Variants in SGMS1 observed in about 807,000 individuals in gnomAD.
The protein encoded by SGMS1 is phosphatidylcholine:ceramide cholinephosphotransferase 1.
A neutral mutation model predicts 46.2 loss-of-function variants in SGMS1; 13 were observed. The observed-to-expected ratio is 0.28, with a 90% CI of 0.18 to 0.45. The LOEUF (loss-of-function observed/expected upper bound fraction) is 0.45, where lower values mean the gene tolerates loss of function less well. SGMS1 is among the 20% of genes least tolerant of loss of function. The pLI is 1.00. For missense variants in SGMS1, 324 were observed against 519.9 expected, an observed-to-expected ratio of 0.62 and a Z score of 3.66; for synonymous variants, 203 against 187.8, an observed-to-expected ratio of 1.08 and a Z score of -0.66.
At chr10:50,543,355 A>G (rs554792206) in intron 2 of SGMS1, among the ~76,000 whole-genome samples, 2 of 152,386 alleles carry the variant, frequency 1.3e-5, no homozygotes, top group African/African-American at 4.8e-5. Context: ...CTGGCCCTCA[A>G]TCAAGTTATT....
At chr10:50,317,995 G>A (rs911092020) in intron 8 of SGMS1, among the ~76,000 whole-genome samples, 1 of 152,036 alleles carries the variant, frequency 6.6e-6, no homozygotes, top group African/African-American at 2.4e-5. Flanking sequence ...GTAGAGACAG[G>A]GTTTCACTGT....
At chr10:50,581,128 TGCACA>T (rs1232112488) in intron 2 of SGMS1, among the ~76,000 whole-genome samples, 1 of 152,200 alleles carries the variant, frequency 6.6e-6, no homozygotes, top group Non-Finnish European at 1.5e-5. Context: ...CAGTTTTGAA[TGCACA>T]GCAACCTCCA....
At chr10:50,620,374 C>T (rs1308714265) in intron 1 of SGMS1, among the ~76,000 whole-genome samples, 1 of 152,204 alleles carries the variant, frequency 6.6e-6, no homozygotes, top group Non-Finnish European at 1.5e-5. Flanking sequence ...CATAAAAGTT[C>T]CTCCAGAAGA....
At chr10:50,525,877 T>C (rs1022547216) in intron 2 of SGMS1, among the ~76,000 whole-genome samples, 13 of 152,216 alleles carry the variant, frequency 8.5e-5, no homozygotes, top group Admixed American at 2.6e-4. Context: ...AAGGAGTCTA[T>C]AGTTTGTACA....
intron 6 of SGMS1, among the ~76,000 whole-genome samples, chr10:50,348,621 A>G (rs1847954048): frequency 6.6e-6 from 1 of 152,324 alleles, no homozygotes; most frequent in South Asian, 2.1e-4. Flanking sequence ...GATGTGAAGG[A>G]CCTCTTCAAG....
chr10:50,344,020 G>C lies in SGMS1; in HGVS notation c.95C>G (p.Thr32Arg). Residue 32 changes from threonine (T) to arginine (R), a missense_variant, in exon 7 of 11, where the codon ACA (threonine) becomes AGA (arginine). By Grantham distance (71) the Thr-to-Arg change is moderately conservative. Transcript: ENST00000361781. ...PEYCEPLEHFTGQDLINLTQE... is the reference protein window; with the variant it reads ...PEYCEPLEHFRGQDLINLTQE... ...GGTTAGGTTGATCAAGTCCTGGCCT[G>C]TGAAATGCTCCAGAGGCTCACAGTA... 1 of 1,614,174 alleles carries C rather than the reference G, an allele frequency of 6.2e-7. No individual in the cohort carries two copies. Among genetic ancestry groups the C allele is most frequent in the Non-Finnish European group, 8.5e-7 (1 of 1,180,036 alleles).
intron 6 of SGMS1, among the ~76,000 whole-genome samples, chr10:50,356,141 A>C (rs2133398133): frequency 6.6e-6 from 1 of 152,366 alleles, no homozygotes; most frequent in East Asian, 1.9e-4. Flanking sequence ...GGGAAAAGAA[A>C]GAGATCAGAT....
intron 2 of SGMS1, among the ~76,000 whole-genome samples, chr10:50,538,081 G>A (rs1402457387): frequency 6.6e-6 from 1 of 150,552 alleles, no homozygotes; most frequent in Non-Finnish European, 1.5e-5. Flanking sequence ...TCCAGCCTGG[G>A]CAACAGAGTG....
chr10:50,373,097 A>C (rs2133450305), intron 6 of SGMS1, among the ~76,000 whole-genome samples: 1 of 152,332 alleles, frequency 6.6e-6, no homozygotes, highest in East Asian at 1.9e-4. Flanking sequence ...AGTATATTTA[A>C]TCAGATTTCT....
At chr10:50,469,725 T>C (rs1837362075) in intron 3 of SGMS1, among the ~76,000 whole-genome samples, 1 of 152,170 alleles carries the variant, frequency 6.6e-6, no homozygotes, top group African/African-American at 2.4e-5. Context: ...TATTCAATAA[T>C]TCTGGTATAG....
chr10:50,415,925 G>C (rs956191585), intron 6 of SGMS1, among the ~76,000 whole-genome samples: 2 of 152,116 alleles, frequency 1.3e-5, no homozygotes, highest in East Asian at 3.8e-4. Context: ...CTTGTGACAC[G>C]CAAGAGGAAA....
chr10:50,395,903 A>G (rs1462763351), intron 6 of SGMS1, among the ~76,000 whole-genome samples: 1 of 152,230 alleles, frequency 6.6e-6, no homozygotes, highest in African/African-American at 2.4e-5. Context: ...CCTTGACACT[A>G]CATAAAACAT....
At chr10:50,442,187 T>TA (rs1403835952) in intron 5 of SGMS1, among the ~76,000 whole-genome samples, 1 of 151,588 alleles carries the variant, frequency 6.6e-6, no homozygotes, top group East Asian at 1.9e-4. Flanking sequence ...GCTGTAGATT[T>TA]TTTTTTTTTT....
intron 6 of SGMS1, among the ~76,000 whole-genome samples, chr10:50,411,377 C>T (rs917903458): frequency 1.3e-5 from 2 of 152,246 alleles, no homozygotes; most frequent in Admixed American, 1.3e-4. Context: ...GAGACCCTTG[C>T]TTCAAAAGGG....
chr10:50,509,167 T>C (rs1313217549), intron 3 of SGMS1, among the ~76,000 whole-genome samples: 1 of 152,206 alleles, frequency 6.6e-6, no homozygotes, highest in Non-Finnish European at 1.5e-5. Context: ...CCCAAAAGGA[T>C]AGAAGTTATA....
chr10:50,488,203 G>A (rs1837538785), intron 3 of SGMS1, among the ~76,000 whole-genome samples: 1 of 151,702 alleles, frequency 6.6e-6, no homozygotes, highest in Non-Finnish European at 1.5e-5. Context: ...TGGTAGAGAC[G>A]GGTTTTCATC....
At chr10:50,440,081 T>A (rs1849522256) in intron 5 of SGMS1, among the ~76,000 whole-genome samples, 1 of 152,128 alleles carries the variant, frequency 6.6e-6, no homozygotes, top group Non-Finnish European at 1.5e-5. Flanking sequence ...TGGTAGGCTA[T>A]TAGGAATGCA....
intron 6 of SGMS1, among the ~76,000 whole-genome samples, chr10:50,387,018 G>A (rs1848693104): frequency 6.6e-6 from 1 of 152,160 alleles, no homozygotes; most frequent in Non-Finnish European, 1.5e-5. Flanking sequence ...GGTACTCAAG[G>A]TCAAGTGCCC....
intron 2 of SGMS1, among the ~76,000 whole-genome samples, chr10:50,522,936 A>T (rs988993213): frequency 1.3e-5 from 2 of 151,966 alleles, no homozygotes; most frequent in African/African-American, 4.8e-5. Context: ...TGCCATACAA[A>T]TCTCAGCCAC....
Sources: allele counts gnomAD v4.1 joint callset (sites outside exome capture counted in the v4.1 genomes callset), GRCh38; gene constraint gnomAD v4.1.1; transcripts MANE v1.5; gene names NCBI Gene and HGNC (gene_info 2026-07-23, HGNC 2026-07-21).